Variants in FNIP1 observed in about 807,000 individuals in gnomAD.
The protein encoded by FNIP1 is folliculin interacting protein 1.
FNIP1 carries 40 observed loss-of-function variants against 124.5 expected under a neutral mutation model. That is an observed-to-expected ratio of 0.32 (90% confidence interval 0.25 to 0.42). The LOEUF (loss-of-function observed/expected upper bound fraction) is 0.42. Ranked by LOEUF, FNIP1 falls within the 10% of genes least tolerant of loss-of-function variation. The pLI, the probability that FNIP1 is intolerant of heterozygous loss-of-function variation, is 1.00. For synonymous variants in FNIP1, 472 were observed against 470.6 expected, an observed-to-expected ratio of 1.00 and a Z score of -0.04; for missense variants, 1,176 against 1,403.7, an observed-to-expected ratio of 0.84 and a Z score of 2.59.
At chr5:131,662,082 A>T (rs913181587) in intron 15 of FNIP1, among the ~76,000 whole-genome samples, 6 of 152,218 alleles carry the variant, frequency 3.9e-5, no homozygotes, top group Non-Finnish European at 8.8e-5. Context: ...TTTCAAGTTC[A>T]TGTCAGGCAC....
intron 16 of FNIP1, among the ~76,000 whole-genome samples, chr5:131,650,274 T>C (rs1233557359): frequency 6.6e-6 from 1 of 152,180 alleles, no homozygotes; most frequent in Non-Finnish European, 1.5e-5. Flanking sequence ...TTCATTTATA[T>C]ATGTCCTTAA....
chr5:131,664,383 C>T (rs1003685463), intron 15 of FNIP1, among the ~76,000 whole-genome samples: 5 of 151,976 alleles, frequency 3.3e-5, no homozygotes, highest in Admixed American at 6.6e-5. Context: ...CTCTTTAGAA[C>T]AAGATTTTTG....
chr5:131,736,977 A>C (rs1770329954), intron 2 of FNIP1, among the ~76,000 whole-genome samples: 1 of 152,248 alleles, frequency 6.6e-6, no homozygotes, highest in African/African-American at 2.4e-5. Context: ...TGTTTCAAAA[A>C]GTTAATAAAA....
rs1032579896 is a variant in FNIP1, at chr5:131,642,097, CT to C, written c.*2587del. Reference sequence around the variant, plus strand: ...TTTAATTCTATAATGTAAAAGATCCCTTTTTTATTTCCTGTTTCAATAAACA... The same window carrying C: ...TTTAATTCTATAATGTAAAAGATCCCTTTTTATTTCCTGTTTCAATAAACA... On this transcript the variant is annotated 3_prime_UTR_variant, in exon 18 of 18. Transcript: ENST00000510461. The C allele has an allele frequency of 6.6e-6, 1 of 152,512 alleles. No individual in the cohort carries two copies. The highest frequency in any genetic ancestry group is 1.5e-5 in the Non-Finnish European group (1 of 67,992). 9.4% of individuals were successfully genotyped at this position (152,512 alleles called of 1,614,324 possible).
intron 1 of FNIP1, among the ~76,000 whole-genome samples, chr5:131,746,814 A>C (rs1770699897): frequency 6.6e-6 from 1 of 152,202 alleles, no homozygotes; most frequent in Non-Finnish European, 1.5e-5. Context: ...GCTGAGTCAA[A>C]TGGTAGCTCT....
intron 2 of FNIP1, among the ~76,000 whole-genome samples, chr5:131,738,708 G>GT (rs1770403402): frequency 6.6e-6 from 1 of 151,530 alleles, no homozygotes; most frequent in African/African-American, 2.4e-5. Flanking sequence ...GTTTCACCAC[G>GT]TTGGCCAGGC....
intron 15 of FNIP1, among the ~76,000 whole-genome samples, chr5:131,654,866 T>C (rs1000044854): frequency 6.6e-6 from 1 of 152,214 alleles, no homozygotes; most frequent in Non-Finnish European, 1.5e-5. Flanking sequence ...TCCAAAAATA[T>C]ACCTTGGGAA....
At chr5:131,793,153 T>C (rs756868512) in intron 1 of FNIP1, among the ~76,000 whole-genome samples, 1 of 152,162 alleles carries the variant, frequency 6.6e-6, no homozygotes, top group African/African-American at 2.4e-5. Flanking sequence ...CACCTCAGCA[T>C]CCTGAGTAGC....
At chr5:131,773,747 A>C (rs576138305) in intron 1 of FNIP1, among the ~76,000 whole-genome samples, 2 of 152,202 alleles carry the variant, frequency 1.3e-5, no homozygotes, top group Admixed American at 6.5e-5. Flanking sequence ...CTATCTCAAC[A>C]TAAGTTTACT....
chr5:131,660,621 G>C (rs1767398456), intron 15 of FNIP1, among the ~76,000 whole-genome samples: 3 of 152,188 alleles, frequency 2.0e-5, no homozygotes, highest in African/African-American at 7.2e-5. Context: ...CTTTGAAGGA[G>C]ATGATTTGAG....
intron 15 of FNIP1, among the ~76,000 whole-genome samples, chr5:131,658,207 A>C (rs1045776633): frequency 1.3e-5 from 2 of 152,116 alleles, no homozygotes; most frequent in Non-Finnish European, 2.9e-5. Context: ...AAACAAATTG[A>C]CGTTAGACAA....
chr5:131,667,026 A>G (rs1446915860), intron 15 of FNIP1, among the ~76,000 whole-genome samples: 5 of 152,234 alleles, frequency 3.3e-5, no homozygotes, highest in African/African-American at 1.2e-4. Flanking sequence ...GCACTTCATC[A>G]GGTATTGGGA....
intron 9 of FNIP1, 64 bp from the exon 10 acceptor site, chr5:131,704,330 T>G (rs1769005070): frequency 7.4e-7 from 1 of 1,349,292 alleles, no homozygotes; most frequent in South Asian, 1.4e-5. Flanking sequence ...TTTAATCTTC[T>G]TGCTAATTAA....
intron 1 of FNIP1, among the ~76,000 whole-genome samples, chr5:131,791,249 A>G (rs1051013901): frequency 2.0e-5 from 3 of 152,254 alleles, no homozygotes; most frequent in African/African-American, 7.2e-5. Context: ...TTAGAGAATC[A>G]GGATATCACC....
intron 1 of FNIP1, among the ~76,000 whole-genome samples, chr5:131,788,649 C>T (rs1397960594): frequency 7.0e-6 from 1 of 143,594 alleles, no homozygotes; most frequent in Non-Finnish European, 1.5e-5. Context: ...TGCAGTGAGC[C>T]GGGATTGTGC....
chr5:131,716,707 G>A, intron 5 of FNIP1, 51 bp from the exon 6 acceptor site: 1 of 1,195,900 alleles, frequency 8.4e-7, no homozygotes, highest in Non-Finnish European at 1.2e-6. Flanking sequence ...ATGGTTTAAG[G>A]ACAATTCTTT....
intron 9 of FNIP1, 119 bp downstream of exon 9, chr5:131,706,292 A>G (rs1769110024): frequency 2.6e-6 from 3 of 1,140,918 alleles, no homozygotes; most frequent in Admixed American, 2.9e-5. Context: ...GTAAATTTTA[A>G]AAGTTTTCAG....
At chr5:131,747,271 C>T (rs550335893) in intron 1 of FNIP1, among the ~76,000 whole-genome samples, 1 of 152,322 alleles carries the variant, frequency 6.6e-6, no homozygotes, top group East Asian at 1.9e-4. Context: ...TTAACCCTAA[C>T]TCTGTCAACG....
intron 11 of FNIP1, among the ~76,000 whole-genome samples, chr5:131,693,732 T>G (rs1465990995): frequency 1.3e-5 from 2 of 152,078 alleles, no homozygotes; most frequent in African/African-American, 2.4e-5. Flanking sequence ...TAAGTTGGAC[T>G]GCATTAAAAT....
Sources: gnomAD v4.1 joint callset for allele counts (sites outside exome capture counted in the v4.1 genomes callset) on GRCh38, gnomAD v4.1.1 for gene constraint, MANE v1.5 for transcripts, NCBI Gene and HGNC (gene_info 2026-07-23, HGNC 2026-07-21) for gene names.